FNBP1: variants seen among roughly 807,000 people sequenced by gnomAD.
The protein encoded by FNBP1 is formin-binding protein 1.
FNBP1 carries 26 observed loss-of-function variants against 90.6 expected under a neutral mutation model. That is an observed-to-expected ratio of 0.29 (90% CI 0.21 to 0.40). The LOEUF (loss-of-function observed/expected upper bound fraction) is 0.40, where lower values mean the gene tolerates loss of function less well. Ranked by LOEUF, FNBP1 falls within the 10% of genes least tolerant of loss-of-function variation. The pLI is 1.00. For synonymous variants in FNBP1, 260 were observed against 265.2 expected (o/e 0.98, Z 0.19); for missense variants, 635 against 768.0 (o/e 0.83, Z 2.05).
intron 8 of FNBP1, among the ~76,000 whole-genome samples, chr9:129,925,838 C>T (rs2041825150): frequency 6.6e-6 from 1 of 151,818 alleles, no homozygotes; most frequent in South Asian, 2.1e-4. Flanking sequence ...AGGTGATCCG[C>T]CTGCCTCGGC....
At chr9:130,053,694 C>T in the FNBP1 span, 1 of 559,070 alleles carries the variant, frequency 1.8e-6, no homozygotes, top group Admixed American at 3.3e-5. Flanking sequence ...GTTATGGCAA[C>T]CGCCAATAGG....
At chr9:129,971,171 G>A (rs1320398469) in intron 4 of FNBP1, among the ~76,000 whole-genome samples, 2 of 151,938 alleles carry the variant, frequency 1.3e-5, no homozygotes, top group Non-Finnish European at 2.9e-5. Context: ...GATTACAGGT[G>A]TGAGCCACCG....
chr9:129,947,270 G>A (rs1219017454), intron 6 of FNBP1, among the ~76,000 whole-genome samples: 3 of 151,884 alleles, frequency 2.0e-5, no homozygotes, highest in East Asian at 1.9e-4. Context: ...GTGAAATCCC[G>A]TCTCTACTAA....
chr9:129,908,067 C>T (rs888176854), intron 12 of FNBP1, among the ~76,000 whole-genome samples: 1 of 151,764 alleles, frequency 6.6e-6, no homozygotes, highest in Admixed American at 6.6e-5. Context: ...GCAGCCTCCA[C>T]CTCCCAGGCT....
In FNBP1 at chr9:129,895,860, G is replaced by A. The variant is rs1390261015; in HGVS notation, c.1824C>T (p.Val608=). The A allele has an allele frequency of 6.2e-7, 1 of 1,610,978 alleles. No individual in the cohort carries two copies. The highest frequency in any genetic ancestry group is 8.5e-7 in the Non-Finnish European group (1 of 1,178,922). ...CACCTTTGGCATTTTTGTCCAAACAGACTTCGACATATGAAGTGGGGACAT... is the reference window on the plus strand; with the variant it reads ...CACCTTTGGCATTTTTGTCCAAACAAACTTCGACATATGAAGTGGGGACAT... ...EGYVPTSYVE[V]CLDKNAKDS Residue 608 remains valine, a synonymous_variant, in exon 16 of 17, where the codon GTC becomes GTT. Transcript: ENST00000446176.
intron 1 of FNBP1, among the ~76,000 whole-genome samples, chr9:130,016,883 C>T (rs1277828076): frequency 6.6e-6 from 1 of 152,130 alleles, no homozygotes; most frequent in African/African-American, 2.4e-5. Flanking sequence ...AGGAATGTGC[C>T]AGTGACTCTG....
chr9:129,970,931 C>T (rs1194210600), intron 4 of FNBP1, among the ~76,000 whole-genome samples: 2 of 152,034 alleles, frequency 1.3e-5, no homozygotes, highest in South Asian at 2.1e-4. Flanking sequence ...CTGTCACCTA[C>T]GCTTGAGTGC....
intron 6 of FNBP1, among the ~76,000 whole-genome samples, chr9:129,945,441 A>G (rs1406548141): frequency 1.3e-5 from 2 of 152,242 alleles, no homozygotes; most frequent in African/African-American, 4.8e-5. Context: ...CTACAGTCAG[A>G]CATTTTAGAA....
chr9:130,015,622 CA>C (rs908701080), intron 1 of FNBP1, among the ~76,000 whole-genome samples: 3 of 152,078 alleles, frequency 2.0e-5, no homozygotes, highest in Admixed American at 6.6e-5. Context: ...ATTTGCAAAA[CA>C]AAAAAACTAC....
At chr9:129,990,932 G>GTT (rs35179648) in intron 2 of FNBP1, among the ~76,000 whole-genome samples, 2,743 of 129,946 alleles carry the variant, frequency 0.021, 119 homozygotes, top group African/African-American at 0.073. Context: ...TGACACCAGG[G>GTT]TTTTTTTTTT....
chr9:129,913,246 T>C (rs1355483877), intron 11 of FNBP1, among the ~76,000 whole-genome samples: 1 of 152,016 alleles, frequency 6.6e-6, no homozygotes, highest in Non-Finnish European at 1.5e-5. Flanking sequence ...TAGCTACATA[T>C]GGTAGTGGCT....
At chr9:129,899,729 A>G (rs2036503402) in intron 15 of FNBP1, among the ~76,000 whole-genome samples, 1 of 148,922 alleles carries the variant, frequency 6.7e-6, no homozygotes, top group African/African-American at 2.5e-5. Context: ...ACCCTGTATG[A>G]AAAAAAGGAA....
At chr9:129,946,546 GA>G (rs2045319466) in intron 6 of FNBP1, among the ~76,000 whole-genome samples, 1 of 152,158 alleles carries the variant, frequency 6.6e-6, no homozygotes, top group Non-Finnish European at 1.5e-5. Context: ...CAATGAATTA[GA>G]ATGAAGAGGC....
chr9:130,030,864 A>G (rs2058743897), intron 1 of FNBP1, among the ~76,000 whole-genome samples: 1 of 152,298 alleles, frequency 6.6e-6, no homozygotes, highest in African/African-American at 2.4e-5. Flanking sequence ...AGCTTAAAAG[A>G]GCTGGGGAAC....
At chr9:129,933,085 GAAC>G (rs2042990930) in intron 6 of FNBP1, among the ~76,000 whole-genome samples, 1 of 152,120 alleles carries the variant, frequency 6.6e-6, no homozygotes, top group African/African-American at 2.4e-5. Flanking sequence ...CTTCTGTAAA[GAAC>G]AGCAAGAGCT....
At chr9:130,010,011 C>T (rs928668643) in intron 1 of FNBP1, among the ~76,000 whole-genome samples, 11 of 149,744 alleles carry the variant, frequency 7.3e-5, no homozygotes, top group Non-Finnish European at 1.5e-4. Context: ...CGCTAAGAGG[C>T]AATTTTTGTC....
At chr9:129,944,438 C>T (rs779286101) in intron 6 of FNBP1, among the ~76,000 whole-genome samples, 4 of 149,824 alleles carry the variant, frequency 2.7e-5, no homozygotes, top group Non-Finnish European at 4.4e-5. Flanking sequence ...CTACTTGGGA[C>T]GCTGAGGCAG....
At chr9:130,048,352 C>T in the FNBP1 span, among the ~76,000 whole-genome samples, 3 of 124,838 alleles carry the variant, frequency 2.4e-5, no homozygotes, top group Admixed American at 8.6e-5. Flanking sequence ...AGACAGGGAT[C>T]TCATAGGTTG....
At chr9:129,996,050 A>T (rs1023804730) in intron 1 of FNBP1, among the ~76,000 whole-genome samples, 11 of 152,144 alleles carry the variant, frequency 7.2e-5, no homozygotes, top group African/African-American at 2.7e-4. Context: ...TATGAGGGGG[A>T]GGGAGGATTC....
Sources: gnomAD v4.1 joint callset for allele counts (sites outside exome capture counted in the v4.1 genomes callset) on GRCh38, gnomAD v4.1.1 for gene constraint, MANE v1.5 for transcripts, NCBI Gene and HGNC (gene_info 2026-07-23, HGNC 2026-07-21) for gene names.